Variants in ANO4 observed in about 807,000 individuals in gnomAD.
ANO4 encodes anoctamin 4, also known as anoctamin-4.
In ANO4, 69 loss-of-function variants were observed where a neutral mutation model predicts 141.9. The observed-to-expected ratio is 0.49, with a 90% confidence interval of 0.40 to 0.59. ANO4 has a LOEUF of 0.59. ANO4 is among the 20% of genes least tolerant of loss of function. ANO4 has a pLI of 0.00. For missense variants in ANO4, 894 were observed against 1,162.2 expected (o/e 0.77, Z 3.36); for synonymous variants, 350 against 394.3 (o/e 0.89, Z 1.33).
chr12:101,089,273 T>C (rs1235129149), intron 17 of ANO4, among the ~76,000 whole-genome samples: 3 of 152,120 alleles, frequency 2.0e-5, no homozygotes, highest in Non-Finnish European at 4.4e-5. Flanking sequence ...AATGAGCTAA[T>C]TAAATGCAGG....
chr12:100,900,062 T>G (rs1168788192), intron 1 of ANO4, among the ~76,000 whole-genome samples: 1 of 146,360 alleles, frequency 6.8e-6, no homozygotes, highest in Non-Finnish European at 1.5e-5. Context: ...ATCCTTACAG[T>G]TACACAATTT....
At chr12:101,116,880 G>T in intron 25 of ANO4, 82 bp downstream of exon 25, 1 of 1,577,344 alleles carries the variant, frequency 6.3e-7, no homozygotes, top group Non-Finnish European at 8.7e-7. Context: ...GCCCCTTCTG[G>T]CTGAGTGTGT....
intron 15 of ANO4, among the ~76,000 whole-genome samples, chr12:101,081,853 G>A (rs1192928480): frequency 6.6e-6 from 1 of 152,130 alleles, no homozygotes; most frequent in Admixed American, 6.5e-5. Context: ...CCCCCTGGGT[G>A]TCTCTGTGTC....
At chr12:100,822,895 G>A (rs1468100858) in intron 1 of ANO4, among the ~76,000 whole-genome samples, 1 of 151,850 alleles carries the variant, frequency 6.6e-6, no homozygotes, top group African/African-American at 2.4e-5. Context: ...ATTTCCATTT[G>A]TTTTGTTATT....
At chr12:100,913,738 A>G (rs1290803011) in intron 2 of ANO4, among the ~76,000 whole-genome samples, 1 of 152,178 alleles carries the variant, frequency 6.6e-6, no homozygotes, top group African/African-American at 2.4e-5. Flanking sequence ...TTAAAAGTCT[A>G]AGCCCTTAGC....
intron 5 of ANO4, among the ~76,000 whole-genome samples, chr12:100,970,292 G>C (rs1463101625): frequency 6.6e-6 from 1 of 152,190 alleles, no homozygotes; most frequent in African/African-American, 2.4e-5. Flanking sequence ...TGGTTTCCCA[G>C]TGTTCCTAGA....
intron 14 of ANO4, among the ~76,000 whole-genome samples, chr12:101,078,552 G>A (rs180747740): frequency 6.6e-6 from 1 of 152,124 alleles, no homozygotes; most frequent in African/African-American, 2.4e-5. Context: ...CAGCCACCTC[G>A]CACTTACTGG....
intron 8 of ANO4, among the ~76,000 whole-genome samples, chr12:101,017,277 T>A (rs1476263084): frequency 6.6e-6 from 1 of 152,066 alleles, no homozygotes; most frequent in African/African-American, 2.4e-5. Context: ...TATAACACCA[T>A]CAGATCTCAT....
At chr12:100,748,740 CT>C (rs527839987) in intron 3 of ANO4, among the ~76,000 whole-genome samples, 333 of 151,348 alleles carry the variant, frequency 2.2e-3, no homozygotes, top group Non-Finnish European at 4.1e-3. Context: ...TTCACCATTT[CT>C]TTTTTTTTCT....
chr12:100,779,608 TC>T (rs1379332900), intron 3 of ANO4, among the ~76,000 whole-genome samples: 3 of 152,226 alleles, frequency 2.0e-5, no homozygotes, highest in African/African-American at 4.8e-5. Flanking sequence ...TGTAGGTGGC[TC>T]CCCAGTCACA....
At chr12:100,827,015 C>T (rs1396845386) in intron 1 of ANO4, among the ~76,000 whole-genome samples, 1 of 152,042 alleles carries the variant, frequency 6.6e-6, no homozygotes, top group Admixed American at 6.6e-5. Flanking sequence ...TGTCCTTCTA[C>T]TTCCCCAGGC....
intron 11 of ANO4, 70 bp from the exon 12 acceptor site, chr12:101,042,264 A>G: frequency 6.3e-7 from 1 of 1,584,834 alleles, no homozygotes; most frequent in Non-Finnish European, 8.6e-7. Flanking sequence ...TAAAATGACT[A>G]TACGAAGTTT....
chr12:100,745,873 A>G (rs979579870), intron 3 of ANO4, among the ~76,000 whole-genome samples: 3 of 152,242 alleles, frequency 2.0e-5, no homozygotes, highest in Non-Finnish European at 4.4e-5. Flanking sequence ...ATGGTGAGTC[A>G]GCAAAAATCA....
At chr12:101,068,463 A>G in intron 14 of ANO4, 2 of 926,998 alleles carry the variant, frequency 2.2e-6, no homozygotes, top group South Asian at 2.6e-5. Flanking sequence ...GCCTTTCTTT[A>G]GTGGCTTTCT....
intron 1 of ANO4, among the ~76,000 whole-genome samples, chr12:100,846,232 C>T (rs1422998639): frequency 1.3e-5 from 2 of 152,146 alleles, no homozygotes; most frequent in Non-Finnish European, 2.9e-5. Context: ...GAAGATCATC[C>T]TAGTATATAA....
At chr12:100,735,467 T>G (rs2031564161) in intron 2 of ANO4, among the ~76,000 whole-genome samples, 1 of 151,972 alleles carries the variant, frequency 6.6e-6, no homozygotes, top group South Asian at 2.1e-4. Context: ...GGGTTCACAG[T>G]AGGGGGGTGA....
intron 6 of ANO4, 68 bp downstream of exon 6, chr12:100,971,474 C>A: frequency 8.7e-7 from 1 of 1,153,148 alleles, no homozygotes; most frequent in Non-Finnish European, 1.3e-6. Context: ...TCTCCTCTCT[C>A]AGAACAAATA....
intron 3 of ANO4, among the ~76,000 whole-genome samples, chr12:100,755,124 A>G (rs570921956): frequency 6.6e-6 from 1 of 152,314 alleles, no homozygotes; most frequent in South Asian, 2.1e-4. Context: ...CTGTAGTTTG[A>G]GTCCAGATTT....
chr12:100,814,418 C>G (rs1415678946), intron 1 of ANO4, among the ~76,000 whole-genome samples: 2 of 152,074 alleles, frequency 1.3e-5, no homozygotes, highest in South Asian at 2.1e-4. Context: ...GCTACAAGTT[C>G]ATATGACAAC....
Sources: gnomAD v4.1 joint callset for allele counts (sites outside exome capture counted in the v4.1 genomes callset) on GRCh38, gnomAD v4.1.1 for gene constraint, MANE v1.5 for transcripts, NCBI Gene and HGNC (gene_info 2026-07-23, HGNC 2026-07-21) for gene names.